Variants in RICTOR observed in about 807,000 individuals in gnomAD.
RICTOR encodes the protein RPTOR independent companion of MTOR complex 2, also known as rapamycin-insensitive companion of mTOR.
In RICTOR, 49 loss-of-function variants were observed where a neutral mutation model predicts 214.9. The observed-to-expected ratio is 0.23, with a 90% CI of 0.18 to 0.29. The LOEUF (loss-of-function observed/expected upper bound fraction) is 0.29, where lower values mean the gene tolerates loss of function less well. Ranked by LOEUF, RICTOR falls within the 10% of genes least tolerant of loss-of-function variation. The probability of loss-of-function intolerance (pLI) is 1.00; values close to 1 mark genes in which losing one functional copy is unlikely to be tolerated. For synonymous variants in RICTOR, 717 were observed against 711.3 expected (o/e 1.01, Z -0.13); for missense variants, 1,625 against 2,047.0 (o/e 0.79, Z 3.98).
At position 38,991,057 on chromosome 5, in the gene RICTOR, A is replaced by G; in HGVS notation, c.475T>C (p.Ser159Pro). The change falls in exon 7 of 38, where the codon TCC (serine) becomes CCC (proline). Residue 159 changes from serine (S) to proline (P), a missense_variant. Physicochemically the swap from Ser to Pro is moderately conservative, Grantham distance 74. Coordinates refer to ENST00000357387, the MANE Select transcript of RICTOR (RefSeq NM_152756.5). ...LVRKMITVNA[S>P]LFPSSVTNSL... ...TTGGTCACAGAACTAGGAAACAAGGAAGCATTCACAGTAATCATCTGTAAC... is the reference window on the plus strand; with the variant it reads ...TTGGTCACAGAACTAGGAAACAAGGGAGCATTCACAGTAATCATCTGTAAC... 1 of 1,595,212 alleles carries G rather than the reference A, an allele frequency of 6.3e-7. No homozygotes were observed. Among genetic ancestry groups the G allele is most frequent in the South Asian group, 1.1e-5 (1 of 89,020 alleles).
intron 2 of RICTOR, among the ~76,000 whole-genome samples, chr5:39,072,306 C>T (rs543125810): frequency 3.3e-4 from 50 of 152,224 alleles, no homozygotes; most frequent in Non-Finnish European, 6.3e-4. Flanking sequence ...TAAACAGTTA[C>T]CTGTGTGCCT....
At chr5:39,026,630 T>C (rs907933213) in intron 2 of RICTOR, among the ~76,000 whole-genome samples, 47 of 152,060 alleles carry the variant, frequency 3.1e-4, no homozygotes, top group African/African-American at 1.1e-3. Context: ...ATCTGTCTTC[T>C]CCTGTCCTTC....
chr5:39,054,399 C>A (rs942842877), intron 2 of RICTOR, among the ~76,000 whole-genome samples: 1 of 151,918 alleles, frequency 6.6e-6, no homozygotes, highest in Admixed American at 6.6e-5. Flanking sequence ...GGAAGGGGAG[C>A]GCTCATATCC....
At chr5:39,029,038 A>T (rs114981407) in intron 2 of RICTOR, among the ~76,000 whole-genome samples, 2,802 of 152,326 alleles carry the variant, frequency 0.018, 39 homozygotes, top group Non-Finnish European at 0.032. Context: ...TGCAAATATA[A>T]GCAGAAGTAA....
chr5:39,064,065 TA>T (rs1392560989), intron 2 of RICTOR, among the ~76,000 whole-genome samples: 1 of 152,186 alleles, frequency 6.6e-6, no homozygotes, highest in South Asian at 2.1e-4. Flanking sequence ...AGAATATACT[TA>T]TATTTAGGTT....
At chr5:39,043,650 T>G (rs543925638) in intron 2 of RICTOR, among the ~76,000 whole-genome samples, 7 of 152,248 alleles carry the variant, frequency 4.6e-5, no homozygotes, top group Admixed American at 2.6e-4. Flanking sequence ...ACATATGAGG[T>G]GATTGCTATG....
Position 38,959,276 on chromosome 5 carries a change from T to G in RICTOR, c.2097A>C (p.Lys699Asn). 6.3e-7 allele frequency: 1 copy of G among 1,593,182 alleles called. No individual in the cohort carries two copies. The highest frequency in any genetic ancestry group is 8.6e-7 in the Non-Finnish European group (1 of 1,167,980). The change falls in exon 22 of 38, where the codon AAA becomes AAC. Residue 699 changes from lysine to asparagine, a missense_variant. Physicochemically the swap from Lys to Asn is moderately conservative, Grantham distance 94. This residue lies in a region of RICTOR where 1,214 missense variants were observed against 1,470.5 expected (regional missense o/e 0.83). Transcript: ENST00000357387. ...TATAGTCCAAGCTAGAAACAGTAAG[T>G]TTTAGCAAGTGATCTTGGTTTTTCA... ...CSLKNQDHLL[K>N]LTVSSLDYSR...
intron 7 of RICTOR, among the ~76,000 whole-genome samples, chr5:38,989,105 T>G (rs1004530212): frequency 6.6e-6 from 1 of 152,128 alleles, no homozygotes; most frequent in African/African-American, 2.4e-5. Flanking sequence ...CTACCTGACC[T>G]CAAACTATAC....
chr5:38,958,839 G>A lies in RICTOR; in HGVS notation c.2179-8C>T, dbSNP rs1156244834. ...TGCATAGAGTCTGCAGGCCTATAAGGATAAATGAATACATTAAAAAAAAAA... is the reference window on the plus strand; with the variant it reads ...TGCATAGAGTCTGCAGGCCTATAAGAATAAATGAATACATTAAAAAAAAAA... On this transcript the variant is annotated splice_polypyrimidine_tract_variant and splice_region_variant and intron_variant, in intron 22 of 37. Transcript: ENST00000357387. 9 of 1,508,600 alleles carry A rather than the reference G, an allele frequency of 6.0e-6. No individual in the cohort carries two copies. The African/African-American group carries it at 1.0e-4, about 17-fold the overall frequency. The allele number at this position is 1,508,600 out of a possible 1,614,324, so 93.5% of individuals were successfully genotyped here.
intron 2 of RICTOR, among the ~76,000 whole-genome samples, chr5:39,066,395 G>A (rs1420833954): frequency 6.6e-6 from 1 of 152,210 alleles, no homozygotes; most frequent in African/African-American, 2.4e-5. Context: ...AGGCCTCTGG[G>A]CCTATGATGA....
intron 2 of RICTOR, among the ~76,000 whole-genome samples, chr5:39,057,851 T>C (rs1758300603): frequency 2.0e-5 from 3 of 152,158 alleles, no homozygotes; most frequent in Admixed American, 2.0e-4. Flanking sequence ...TTTAATACAC[T>C]TCAAGTATTT....
In RICTOR at chr5:38,957,746, A is replaced by C. The variant is rs771016826; in HGVS notation, c.2421-16T>G. 5 of 1,436,960 alleles carry C rather than the reference A, an allele frequency of 3.5e-6. No homozygotes were observed. The highest frequency in any genetic ancestry group is 1.4e-5 in the African/African-American group (1 of 70,538). The allele number at this position is 1,436,960 out of a possible 1,614,324, so 89.0% of individuals were successfully genotyped here. A position where few individuals can be genotyped will look rare whatever the true frequency, so the allele number is the denominator to read the frequency against. ...GGAGAGAAATCTGCAAATTAAAACA[A>C]GCAATAGTTTAACATTGAGTCTGGC... is the stretch of plus-strand genomic sequence containing the variant. On this transcript the variant is annotated splice_polypyrimidine_tract_variant and intron_variant, in intron 24 of 37. Transcript: ENST00000357387.
chr5:38,962,250 A>G, intron 19 of RICTOR, 65 bp downstream of exon 19: 1 of 671,546 alleles, frequency 1.5e-6, no homozygotes, highest in Non-Finnish European at 2.6e-6. Flanking sequence ...ATATTTTAGC[A>G]GGTATTAGGC....
chr5:38,965,972 A>C (rs1255944066), intron 15 of RICTOR, among the ~76,000 whole-genome samples: 1 of 152,174 alleles, frequency 6.6e-6, no homozygotes, highest in Non-Finnish European at 1.5e-5. Context: ...TAATCTAAAA[A>C]TATAAATTCC....
chr5:39,018,140 G>T (rs1755105173), intron 3 of RICTOR, among the ~76,000 whole-genome samples: 1 of 151,850 alleles, frequency 6.6e-6, no homozygotes, highest in Admixed American at 6.6e-5. Context: ...GCATGAATTG[G>T]CTGTCCAGCA....
intron 25 of RICTOR, among the ~76,000 whole-genome samples, chr5:38,957,099 C>T (rs1749324018): frequency 6.6e-6 from 1 of 152,092 alleles, no homozygotes; most frequent in Admixed American, 6.6e-5. Flanking sequence ...AATGAAGCCA[C>T]AGCAATCACC....
intron 15 of RICTOR, among the ~76,000 whole-genome samples, chr5:38,965,334 A>G (rs1298074717): frequency 6.6e-6 from 1 of 152,020 alleles, no homozygotes; most frequent in Non-Finnish European, 1.5e-5. Context: ...GATGTGTCCC[A>G]TATGCCATAA....
intron 2 of RICTOR, among the ~76,000 whole-genome samples, chr5:39,061,445 T>C (rs753656533): frequency 2.6e-5 from 4 of 152,060 alleles, no homozygotes; most frequent in Non-Finnish European, 5.9e-5. Flanking sequence ...GCAGAGAAAA[T>C]TCCTGCTTTA....
chr5:39,020,074 C>T (rs1301929421), intron 3 of RICTOR, among the ~76,000 whole-genome samples: 4 of 152,116 alleles, frequency 2.6e-5, no homozygotes, highest in Non-Finnish European at 2.9e-5. Flanking sequence ...CCTGAAGATG[C>T]AACTGAATTG....
Sources: allele counts gnomAD v4.1 joint callset (sites outside exome capture counted in the v4.1 genomes callset), GRCh38; gene constraint gnomAD v4.1.1; regional missense constraint gnomAD v4.1.1; transcripts MANE v1.5; gene names NCBI Gene and HGNC (gene_info 2026-07-23, HGNC 2026-07-21).